GORASP2: variants seen among roughly 807,000 people sequenced by gnomAD.
GORASP2 encodes the protein golgi reassembly stacking protein 2.
In GORASP2, 22 loss-of-function variants were observed where a neutral mutation model predicts 45.7. The observed-to-expected ratio is 0.48, with a 90% CI of 0.34 to 0.69. GORASP2 has a LOEUF of 0.69. GORASP2 is among the 30% of genes least tolerant of loss of function. GORASP2 has a pLI of 0.01. For missense variants in GORASP2, 491 were observed against 562.7 expected, an observed-to-expected ratio of 0.87 and a Z score of 1.29; for synonymous variants, 221 against 215.6, an observed-to-expected ratio of 1.02 and a Z score of -0.22.
intron 1 of GORASP2, among the ~76,000 whole-genome samples, chr2:170,935,819 A>G (rs1575468169): frequency 6.7e-6 from 1 of 149,434 alleles, no homozygotes; most frequent in Non-Finnish European, 1.5e-5. Flanking sequence ...CAAGCAATCC[A>G]CCCACCTCAG....
chr2:170,948,385 G>A lies in GORASP2; in HGVS notation c.99G>A (p.Leu33=), dbSNP rs1704225009. 1 of 1,600,684 alleles carries A rather than the reference G, an allele frequency of 6.2e-7. No individual in the cohort carries two copies. The highest frequency in any genetic ancestry group is 8.6e-7 in the Non-Finnish European group (1 of 1,169,520). The stretch of plus-strand genomic sequence containing the variant: ...ATTCCCCAGGACACAGAGCTGGTTT[G>A]GAGCCTTTCTTTGATTTTATTGTTT... ...QENSPGHRAG[L]EPFFDFIVSI... is the part of the protein sequence containing the mutation. Residue 33 remains leucine, a synonymous_variant, in exon 2 of 10, where the codon TTG becomes TTA. Coordinates refer to ENST00000234160, the MANE Select transcript of GORASP2 (RefSeq NM_015530.5).
In GORASP2 at chr2:170,936,666, A is replaced by G. The variant is rs1257057459; in HGVS notation, c.63+7263A>G. On this transcript the variant is annotated intron_variant, in intron 1 of 9. Transcript: ENST00000234160. Reference sequence around the variant, plus strand: ...TCAAGCACATTGTCAGAAATAAGGAAGCTTAAGCCGGGCATAATGGTGTGC... The same window carrying G: ...TCAAGCACATTGTCAGAAATAAGGAGGCTTAAGCCGGGCATAATGGTGTGC... The G allele has an allele frequency of 2.3e-6, 3 of 1,298,052 alleles. No individual in the cohort carries two copies. In the Admixed American group the frequency reaches 6.9e-5, roughly 30 times the overall value. 80.4% of individuals were successfully genotyped at this position (1,298,052 alleles called of 1,614,324 possible). A position where few individuals can be genotyped will look rare whatever the true frequency, so the allele number is the denominator to read the frequency against.
At position 170,965,994 on chromosome 2, in the gene GORASP2, C is replaced by T; in HGVS notation, c.1223C>T (p.Ser408Phe). 6.2e-7 allele frequency: 1 copy of T among 1,614,012 alleles called. No individual in the cohort carries two copies. Among genetic ancestry groups the T allele is most frequent in the East Asian group, 2.2e-5 (1 of 44,860 alleles). Reference sequence around the variant, plus strand: ...ACTACTGCAAAGGCAGACGCTGCCTCCTCACTCACTGTGGATGTGACGCCC... The same window carrying T: ...ACTACTGCAAAGGCAGACGCTGCCTTCTCACTCACTGTGGATGTGACGCCC... ...ATTTAKADAASSLTVDVTPPT... is the reference protein window; with the variant it reads ...ATTTAKADAAFSLTVDVTPPT... The change falls in exon 10 of 10, where the codon TCC (serine) becomes TTC (phenylalanine). Residue 408 changes from serine (S) to phenylalanine (F), a missense_variant. By Grantham distance (155) the Ser-to-Phe change is radical (BLOSUM62 -2). This residue lies in a region of GORASP2 where 297 missense variants were observed against 292.3 expected (regional missense o/e 1.02). Coordinates refer to ENST00000234160, the MANE Select transcript of GORASP2 (RefSeq NM_015530.5).
chr2:170,948,524 C>G (rs1362963844), intron 2 of GORASP2, 94 bp downstream of exon 2: 1 of 678,652 alleles, frequency 1.5e-6, no homozygotes, highest in East Asian at 2.6e-5. Context: ...TTATTAGTTA[C>G]AATCATTATG....
intron 4 of GORASP2, 87 bp from the exon 5 acceptor site, chr2:170,951,241 T>C: frequency 9.9e-7 from 1 of 1,008,860 alleles, no homozygotes; most frequent in Non-Finnish European, 1.4e-6. Context: ...TTCTTAGATT[T>C]CTCAGGTGAT....
intron 1 of GORASP2, among the ~76,000 whole-genome samples, chr2:170,945,006 C>T (rs574124996): frequency 6.0e-4 from 91 of 152,044 alleles, no homozygotes; most frequent in Non-Finnish European, 1.2e-3. Flanking sequence ...TGACTTTGTC[C>T]CCAGTAGCTG....
intron 9 of GORASP2, among the ~76,000 whole-genome samples, chr2:170,964,713 A>C (rs1042735092): frequency 6.6e-6 from 1 of 152,050 alleles, no homozygotes; most frequent in African/African-American, 2.4e-5. Context: ...TTACTGTCGC[A>C]GCGCTCACCC....
chr2:170,960,175 C>T (rs1262520910), intron 7 of GORASP2, among the ~76,000 whole-genome samples: 1 of 152,070 alleles, frequency 6.6e-6, no homozygotes, highest in Non-Finnish European at 1.5e-5. Context: ...CTTTTTCCTG[C>T]CCCTCATTAG....
chr2:170,963,074 A>G, intron 9 of GORASP2, 128 bp downstream of exon 9: 1 of 669,392 alleles, frequency 1.5e-6, no homozygotes, highest in Non-Finnish European at 2.7e-6. Flanking sequence ...TCAAATAAAT[A>G]TTCATCTTTT....
intron 5 of GORASP2, among the ~76,000 whole-genome samples, chr2:170,953,372 A>C (rs1040757719): frequency 4.3e-4 from 65 of 152,008 alleles, no homozygotes; most frequent in African/African-American, 1.5e-3. Context: ...TAAATAAATA[A>C]ATAAATAAAT....
chr2:170,931,495 T>C (rs1290130471), intron 1 of GORASP2, among the ~76,000 whole-genome samples: 1 of 152,234 alleles, frequency 6.6e-6, no homozygotes, highest in Non-Finnish European at 1.5e-5. Flanking sequence ...CAGGAAAATT[T>C]TGAATAAAAT....
At chr2:170,948,563 A>T in intron 2 of GORASP2, 133 bp downstream of exon 2, 1 of 584,444 alleles carries the variant, frequency 1.7e-6, no homozygotes, top group Non-Finnish European at 3.0e-6. Context: ...AGAAATAATC[A>T]TGTATTAATA....
At chr2:170,959,378 A>G (rs972800704) in intron 7 of GORASP2, among the ~76,000 whole-genome samples, 5 of 152,238 alleles carry the variant, frequency 3.3e-5, no homozygotes, top group African/African-American at 1.2e-4. Flanking sequence ...TGTCTGATAA[A>G]CACATGCACG....
chr2:170,929,623 G>T, intron 1 of GORASP2: 1 of 592,818 alleles, frequency 1.7e-6, no homozygotes, highest in Non-Finnish European at 3.1e-6. Flanking sequence ...GTAGGAGGAC[G>T]GGCTGGAGCT....
chr2:170,930,876 C>T (rs1023493013), intron 1 of GORASP2, among the ~76,000 whole-genome samples: 1 of 151,426 alleles, frequency 6.6e-6, no homozygotes, highest in East Asian at 1.9e-4. Flanking sequence ...CTGTTTCTCA[C>T]AGTGACCGAT....
At chr2:170,961,921 T>C (rs1704570877) in intron 8 of GORASP2, among the ~76,000 whole-genome samples, 172 bp downstream of exon 8, 1 of 152,222 alleles carries the variant, frequency 6.6e-6, no homozygotes, top group Admixed American at 6.5e-5. Flanking sequence ...CTCTCCTTAG[T>C]AAACAAGGAA....
At chr2:170,933,078 A>T (rs985706673) in intron 1 of GORASP2, among the ~76,000 whole-genome samples, 1 of 152,178 alleles carries the variant, frequency 6.6e-6, no homozygotes, top group Non-Finnish European at 1.5e-5. Flanking sequence ...AGGATTTCTG[A>T]AGTGATCATT....
intron 1 of GORASP2, chr2:170,929,709 C>T: frequency 1.7e-6 from 1 of 596,684 alleles, no homozygotes; most frequent in Non-Finnish European, 3.2e-6. Flanking sequence ...TCCGCACGGC[C>T]TTCTCTCTCC....
intron 1 of GORASP2, among the ~76,000 whole-genome samples, chr2:170,943,758 G>A (rs1052057339): frequency 3.3e-5 from 5 of 152,054 alleles, no homozygotes; most frequent in African/African-American, 4.8e-5. Context: ...CTGTAGTCTC[G>A]ACCTCCTGGG....
Sources: allele counts gnomAD v4.1 joint callset (sites outside exome capture counted in the v4.1 genomes callset), GRCh38; gene constraint gnomAD v4.1.1; regional missense constraint gnomAD v4.1.1; transcripts MANE v1.5; gene names NCBI Gene and HGNC (gene_info 2026-07-23, HGNC 2026-07-21).